The following AOAH variants were observed in gnomAD, a reference collection of about 807,000 sequenced individuals.
AOAH encodes the protein acyloxyacyl hydrolase.
AOAH carries 64 observed loss-of-function variants against 92.2 expected under a neutral mutation model. The ratio of observed to expected loss-of-function variants is 0.69; its 90% CI spans 0.57 to 0.86. The LOEUF (loss-of-function observed/expected upper bound fraction) is 0.86. AOAH is among the 40% of genes least tolerant of loss of function. AOAH has a pLI of 0.00. For missense variants in AOAH, 656 were observed against 694.6 expected (o/e 0.94, Z 0.62); for synonymous variants, 263 against 254.5 (o/e 1.03, Z -0.32).
At chr7:36,643,381 C>G (rs62445875) in intron 4 of AOAH, among the ~76,000 whole-genome samples, 1 of 152,098 alleles carries the variant, frequency 6.6e-6, no homozygotes, top group Non-Finnish European at 1.5e-5. Context: ...TGAGGTTTCA[C>G]CAGGCCTTGG....
intron 11 of AOAH, among the ~76,000 whole-genome samples, chr7:36,605,535 T>C (rs1790937507): frequency 6.6e-6 from 1 of 152,232 alleles, no homozygotes; most frequent in African/African-American, 2.4e-5. Flanking sequence ...TACAGAAGTC[T>C]TTATTTCATG....
intron 13 of AOAH, among the ~76,000 whole-genome samples, chr7:36,558,986 C>A (rs1787042468): frequency 6.6e-6 from 1 of 152,172 alleles, no homozygotes; most frequent in Non-Finnish European, 1.5e-5. Flanking sequence ...CACCCACTGT[C>A]CTGCACCCAC....
At chr7:36,638,600 C>T (rs1793684791) in intron 4 of AOAH, among the ~76,000 whole-genome samples, 1 of 152,028 alleles carries the variant, frequency 6.6e-6, no homozygotes, top group African/African-American at 2.4e-5. Context: ...GAAGAGTAAC[C>T]CTGGGCTGGG....
intron 5 of AOAH, among the ~76,000 whole-genome samples, chr7:36,633,345 CTG>C (rs1793275087): frequency 6.6e-6 from 1 of 152,208 alleles, no homozygotes; most frequent in African/African-American, 2.4e-5. Context: ...TGCTCTAGGT[CTG>C]TGTCACTCAA....
At position 36,724,045 on chromosome 7, in the gene AOAH, AGGC is replaced by A. The variant is rs1440322006; in HGVS notation, c.101_103del (p.Ser34_Leu35delinsIle). ...ACCTACACAGGTGTGCCCATTCGAG[AGGC>A]TGGGCCTGGACTGGTCATCGTTGGC... On this transcript the variant is annotated inframe_deletion, in exon 1 of 21. Transcript: ENST00000617537. 1 of 1,613,694 alleles carries A rather than the reference AGGC, an allele frequency of 6.2e-7. No homozygotes were observed. Among genetic ancestry groups the A allele is most frequent in the Non-Finnish European group, 8.5e-7 (1 of 1,179,728 alleles).
intron 12 of AOAH, among the ~76,000 whole-genome samples, chr7:36,587,495 A>C (rs538569488): frequency 6.6e-6 from 1 of 152,234 alleles, no homozygotes; most frequent in Admixed American, 6.5e-5. Context: ...TGTTACGTTA[A>C]AATGCATTGG....
At chr7:36,525,876 G>A (rs1376661125) in intron 19 of AOAH, among the ~76,000 whole-genome samples, 1 of 152,134 alleles carries the variant, frequency 6.6e-6, no homozygotes, top group Non-Finnish European at 1.5e-5. Flanking sequence ...CCTTCCCTTG[G>A]AGACTTGAGC....
chr7:36,656,478 C>T lies in AOAH; in HGVS notation c.390+2688G>A, dbSNP rs564458961. ...CCGCCCTTAGTAGGTAATGTTAGGT[C>T]AGCTGAGAGAAAGGACGAGAGAGAG... On this transcript the variant is annotated intron_variant, in intron 4 of 20. Transcript: ENST00000617537. Among the ~76,000 whole-genome samples the T allele has an allele frequency of 5.7e-4, 86 of 152,074 alleles. 1 individual carries two copies. The South Asian group carries it at 0.017, about 31-fold the overall frequency.
chr7:36,716,772 A>G (rs1398300437), intron 1 of AOAH, among the ~76,000 whole-genome samples: 1 of 151,084 alleles, frequency 6.6e-6, no homozygotes, highest in African/African-American at 2.5e-5. Flanking sequence ...GAATTGAACA[A>G]TGAGAACACA....
intron 11 of AOAH, among the ~76,000 whole-genome samples, chr7:36,605,464 C>T (rs529093132): frequency 2.6e-5 from 4 of 152,218 alleles, no homozygotes; most frequent in Middle Eastern, 3.4e-3. Context: ...AAGAGATTGT[C>T]CTCTAGTTGC....
intron 1 of AOAH, among the ~76,000 whole-genome samples, chr7:36,717,728 T>TTA (rs546733642): frequency 0.011 from 264 of 23,674 alleles, 1 homozygote; most frequent in African/African-American, 0.031. Flanking sequence ...TCTCTTCTTA[T>TTA]TTTTTTTTTT....
chr7:36,656,515 T>C (rs776522762), intron 4 of AOAH, among the ~76,000 whole-genome samples: 1 of 152,094 alleles, frequency 6.6e-6, no homozygotes, highest in East Asian at 1.9e-4. Context: ...GACCCAAGTT[T>C]AGGCAAGCCT....
intron 12 of AOAH, among the ~76,000 whole-genome samples, chr7:36,592,783 T>C (rs1056166102): frequency 4.6e-5 from 7 of 152,242 alleles, no homozygotes; most frequent in East Asian, 1.9e-4. Flanking sequence ...GCTTGGCATA[T>C]AGTTACTTGT....
intron 6 of AOAH, among the ~76,000 whole-genome samples, chr7:36,625,024 G>A (rs1268543804): frequency 2.0e-5 from 3 of 152,116 alleles, no homozygotes; most frequent in Non-Finnish European, 4.4e-5. Flanking sequence ...ACTGAGAGGA[G>A]GACCCTGGGA....
At chr7:36,663,235 G>T (rs968944327) in intron 3 of AOAH, among the ~76,000 whole-genome samples, 3 of 152,082 alleles carry the variant, frequency 2.0e-5, no homozygotes, top group Non-Finnish European at 4.4e-5. Context: ...CTCCTGCCCC[G>T]ACACATGCAC....
intron 11 of AOAH, among the ~76,000 whole-genome samples, chr7:36,600,361 C>T (rs1313578728): frequency 1.3e-5 from 2 of 152,186 alleles, no homozygotes; most frequent in African/African-American, 2.4e-5. Context: ...GTGAGAGGCT[C>T]TGGGAGGGCC....
chr7:36,718,453 G>A (rs1799391079), intron 1 of AOAH, among the ~76,000 whole-genome samples: 1 of 152,030 alleles, frequency 6.6e-6, no homozygotes, highest in East Asian at 1.9e-4. Flanking sequence ...CCACTCCTAG[G>A]TATATACCCA....
intron 20 of AOAH, among the ~76,000 whole-genome samples, chr7:36,517,230 C>CTCTTTCTTTCTTTCTG (rs1783824484): frequency 1.2e-5 from 1 of 83,106 alleles, no homozygotes; most frequent in African/African-American, 5.2e-5. Flanking sequence ...CTTTCTGTCT[C>CTCTTTCTTTCTTTCTG]TCTCTCTCTC....
At chr7:36,647,819 T>TTC (rs1284494074) in intron 4 of AOAH, among the ~76,000 whole-genome samples, 1 of 151,086 alleles carries the variant, frequency 6.6e-6, no homozygotes, top group African/African-American at 2.5e-5. Context: ...CAATGCCATC[T>TTC]TCAGTTCCCT....
Sources: gnomAD v4.1 joint callset for allele counts (sites outside exome capture counted in the v4.1 genomes callset) on GRCh38, gnomAD v4.1.1 for gene constraint, MANE v1.5 for transcripts, NCBI Gene and HGNC (gene_info 2026-07-23, HGNC 2026-07-21) for gene names.